DDRGK1: variants seen among roughly 807,000 people sequenced by gnomAD.
DDRGK1 encodes the protein DDRGK domain containing 1.
Under a neutral mutation model 45.8 loss-of-function variants are expected in DDRGK1, and 38 were observed. The observed-to-expected ratio is 0.83, with a 90% CI of 0.64 to 1.09. The LOEUF (loss-of-function observed/expected upper bound fraction) is 1.09. Ranked by LOEUF, DDRGK1 falls within the 50% of genes least tolerant of loss-of-function variation. The pLI is 0.00. For synonymous variants in DDRGK1, 171 were observed against 168.7 expected (o/e 1.01, Z -0.11); for missense variants, 403 against 419.9 (o/e 0.96, Z 0.35).
chr20:3,196,616 G>A (rs777495981), intron 4 of DDRGK1, among the ~76,000 whole-genome samples: 4 of 152,142 alleles, frequency 2.6e-5, no homozygotes, highest in Non-Finnish European at 5.9e-5. Context: ...GGGAGGCAGA[G>A]CTTGCAGTGA....
intron 8 of DDRGK1, 51 bp from the exon 9 acceptor site, chr20:3,190,870 C>A: frequency 6.4e-7 from 1 of 1,559,512 alleles, no homozygotes; most frequent in South Asian, 1.2e-5. Flanking sequence ...CGTTCCCCAT[C>A]TGGCCTGAGA....
chr20:3,203,515 G>A, intron 1 of DDRGK1, 99 bp from the exon 2 acceptor site: 2 of 1,401,628 alleles, frequency 1.4e-6, no homozygotes, highest in Non-Finnish European at 1.9e-6. Context: ...CTGCTTAGCG[G>A]CCTGCTGCCC....
At chr20:3,202,779 AG>A (rs1177296758) in intron 2 of DDRGK1, among the ~76,000 whole-genome samples, 2 of 152,172 alleles carry the variant, frequency 1.3e-5, no homozygotes, top group African/African-American at 2.4e-5. Context: ...TCCTGGAAGC[AG>A]GGATATGGAG....
At chr20:3,195,837 T>C (rs1254133659) in intron 4 of DDRGK1, among the ~76,000 whole-genome samples, 1 of 152,162 alleles carries the variant, frequency 6.6e-6, no homozygotes, top group Non-Finnish European at 1.5e-5. Flanking sequence ...GTCTCACCCA[T>C]GCCCTCCACT....
At chr20:3,203,494 C>A (rs2067051334) in intron 1 of DDRGK1, 78 bp from the exon 2 acceptor site, 2 of 1,431,468 alleles carry the variant, frequency 1.4e-6, no homozygotes, top group Non-Finnish European at 9.2e-7. Flanking sequence ...AGCCCGGAAG[C>A]CTCACCTCCT....
chr20:3,195,500 T>G, intron 4 of DDRGK1, 147 bp from the exon 5 acceptor site: 11 of 1,174,672 alleles, frequency 9.4e-6, no homozygotes, highest in Non-Finnish European at 1.3e-5. Context: ...CATTTCTCCA[T>G]TCCCCCAAGC....
At position 3,194,340 on chromosome 20, in the gene DDRGK1, C is replaced by T. The variant is rs1600471772; in HGVS notation, c.672+490G>A. Reference sequence around the variant, plus strand: ...GTGCTTATGCAACCTGGAGCAGCATCGAGGCGGCCTGCGCAGTGGCTGCGG... The same window carrying T: ...GTGCTTATGCAACCTGGAGCAGCATTGAGGCGGCCTGCGCAGTGGCTGCGG... On this transcript the variant is annotated intron_variant, in intron 6 of 8. Transcript: ENST00000354488. 2.0e-5 allele frequency among the ~76,000 whole-genome samples: 3 copies of T among 152,220 alleles called. No individual in the cohort carries two copies. In the South Asian group the frequency reaches 6.2e-4, roughly 32 times the overall value.
chr20:3,204,372 T>TAGGGCACTGCGGA (rs2067055935), intron 1 of DDRGK1, among the ~76,000 whole-genome samples, 165 bp downstream of exon 1: 1 of 151,896 alleles, frequency 6.6e-6, no homozygotes, highest in African/African-American at 2.4e-5. Flanking sequence ...CGATTCCAGG[T>TAGGGCACTGCGGA]AGGGCACTGC....
chr20:3,191,431 A>G (rs944101833), intron 7 of DDRGK1, 193 bp from the exon 8 acceptor site: 15 of 669,546 alleles, frequency 2.2e-5, no homozygotes, highest in African/African-American at 1.4e-4. Context: ...AGACCCCCAA[A>G]AGAGTATCTC....
intron 1 of DDRGK1, among the ~76,000 whole-genome samples, chr20:3,204,113 T>TG (rs2067054652): frequency 6.6e-6 from 1 of 152,076 alleles, no homozygotes; most frequent in African/African-American, 2.4e-5. Flanking sequence ...CTCCAGCTCG[T>TG]GGGGGACAGG....
chr20:3,198,392 G>A (rs2067020938), intron 4 of DDRGK1, among the ~76,000 whole-genome samples: 1 of 124,616 alleles, frequency 8.0e-6, no homozygotes, highest in African/African-American at 3.2e-5. Flanking sequence ...GACAGAGAGG[G>A]ACTCTGTCTC....
chr20:3,202,525 C>T (rs373690268), intron 2 of DDRGK1, among the ~76,000 whole-genome samples: 1 of 152,200 alleles, frequency 6.6e-6, no homozygotes, highest in East Asian at 1.9e-4. Context: ...CTATGACTAC[C>T]TCAGGGCCAG....
intron 2 of DDRGK1, among the ~76,000 whole-genome samples, chr20:3,200,794 G>T (rs1427270875): frequency 4.6e-5 from 7 of 152,092 alleles, no homozygotes; most frequent in Non-Finnish European, 7.4e-5. Flanking sequence ...TGGCAATCAT[G>T]GTGAAACCCC....
At chr20:3,194,771 C>A (rs2122231615) in intron 6 of DDRGK1, 59 bp downstream of exon 6, 1 of 1,610,586 alleles carries the variant, frequency 6.2e-7, no homozygotes. Context: ...CTGGAGGCAT[C>A]CAACCTGCAC....
chr20:3,192,721 T>C (rs1282767497), intron 6 of DDRGK1, among the ~76,000 whole-genome samples: 1 of 152,138 alleles, frequency 6.6e-6, no homozygotes, highest in East Asian at 1.9e-4. Context: ...CTGCCCCCAC[T>C]ACCCCAACAC....
chr20:3,192,504 C>A (rs1255551205), intron 6 of DDRGK1, among the ~76,000 whole-genome samples: 1 of 152,178 alleles, frequency 6.6e-6, no homozygotes, highest in African/African-American at 2.4e-5. Flanking sequence ...CCTGGTCCCC[C>A]ACAACCTGAC....
intron 2 of DDRGK1, among the ~76,000 whole-genome samples, chr20:3,201,663 T>G (rs1450377666): frequency 7.1e-6 from 1 of 140,580 alleles, no homozygotes; most frequent in African/African-American, 2.6e-5. Flanking sequence ...TTTTTTTTGG[T>G]TTTTTTTTTT....
At chr20:3,203,784 A>T (rs2067052728) in intron 1 of DDRGK1, among the ~76,000 whole-genome samples, 1 of 152,172 alleles carries the variant, frequency 6.6e-6, no homozygotes, top group Non-Finnish European at 1.5e-5. Context: ...CCAGCCAGAG[A>T]GTACACTTCC....
chr20:3,204,634 G>T lies in DDRGK1; in HGVS notation c.-7C>A, dbSNP rs377186783. ...ACCACACAGGCGCCACCATGACGAGGGCCTCAGTGCAGAACCACTGCGTCC... is the reference window on the plus strand; with the variant it reads ...ACCACACAGGCGCCACCATGACGAGTGCCTCAGTGCAGAACCACTGCGTCC... On this transcript the variant is annotated 5_prime_UTR_variant, in exon 1 of 9. Coordinates refer to ENST00000354488, the MANE Select transcript of DDRGK1 (RefSeq NM_023935.3). 17 of 1,575,756 alleles carry T rather than the reference G, an allele frequency of 1.1e-5. No homozygotes were observed. In the African/African-American group the frequency reaches 2.0e-4, roughly 19 times the overall value.
Sources: allele counts gnomAD v4.1 joint callset (sites outside exome capture counted in the v4.1 genomes callset), GRCh38; gene constraint gnomAD v4.1.1; transcripts MANE v1.5; gene names NCBI Gene and HGNC (gene_info 2026-07-23, HGNC 2026-07-21).